Variants in SDK2 observed in about 807,000 individuals in gnomAD.
SDK2 encodes the protein sidekick cell adhesion molecule 2.
In SDK2, 105 loss-of-function variants were observed where a neutral mutation model predicts 253.9. The observed-to-expected ratio is 0.41, with a 90% CI of 0.35 to 0.49. SDK2 has a LOEUF of 0.49. Ranked by LOEUF, SDK2 falls within the 20% of genes least tolerant of loss-of-function variation. SDK2 has a pLI of 0.06. For missense variants in SDK2, 2,608 were observed against 3,003.0 expected, an observed-to-expected ratio of 0.87 and a Z score of 3.07; for synonymous variants, 1,249 against 1,234.9, an observed-to-expected ratio of 1.01 and a Z score of -0.24.
At chr17:73,393,839 G>T in intron 26 of SDK2, 90 bp from the exon 27 acceptor site, 1 of 1,049,228 alleles carries the variant, frequency 9.5e-7, no homozygotes, top group Non-Finnish European at 1.3e-6. Context: ...ATGAGCAGCT[G>T]TGTGTCACAC....
chr17:73,384,113 GT>G, intron 32 of SDK2, 102 bp from the exon 33 acceptor site: 2 of 1,293,836 alleles, frequency 1.5e-6, no homozygotes, highest in Non-Finnish European at 2.1e-6. Flanking sequence ...CAGGGACTAT[GT>G]TTTAACCAGG....
chr17:73,626,802 T>A (rs942961483), intron 1 of SDK2, among the ~76,000 whole-genome samples: 1 of 152,124 alleles, frequency 6.6e-6, no homozygotes, highest in Admixed American at 6.5e-5. Context: ...TGAGGTTGTC[T>A]GAGCCCCAGG....
At chr17:73,591,695 A>G (rs1227367816) in intron 1 of SDK2, among the ~76,000 whole-genome samples, 1 of 152,184 alleles carries the variant, frequency 6.6e-6, no homozygotes, top group Non-Finnish European at 1.5e-5. Flanking sequence ...GCAGGTTTAC[A>G]AGAACTAGGA....
chr17:73,416,041 C>T (rs747185322), intron 16 of SDK2, 49 bp from the exon 17 acceptor site: 43 of 1,535,052 alleles, frequency 2.8e-5, no homozygotes, highest in Non-Finnish European at 3.5e-5. Flanking sequence ...GCTTCCTTGG[C>T]CTCGTACCCA....
At chr17:73,360,895 C>G (rs1288829398) in intron 39 of SDK2, among the ~76,000 whole-genome samples, 1 of 150,180 alleles carries the variant, frequency 6.7e-6, no homozygotes. Context: ...GAGATTGCAC[C>G]ACTGCACTCC....
chr17:73,471,011 T>G (rs752494152), intron 3 of SDK2, among the ~76,000 whole-genome samples: 2 of 152,058 alleles, frequency 1.3e-5, no homozygotes, highest in African/African-American at 2.4e-5. Context: ...TCTAGGACCC[T>G]GGCCCCTGAG....
chr17:73,386,425 GCT>G lies in SDK2; in HGVS notation c.4498+18_4498+19del. ...CAGCCAGTGGGCTGAGAGAGAGACTGCTGGGGAAGGGGTACTGACCAGCCTGC... is the reference window on the plus strand; with the variant it reads ...CAGCCAGTGGGCTGAGAGAGAGACTGGGGGAAGGGGTACTGACCAGCCTGC... On this transcript the variant is annotated intron_variant, in intron 31 of 44. Transcript: ENST00000392650. 1 of 1,493,740 alleles carries G rather than the reference GCT, an allele frequency of 6.7e-7. No homozygotes were observed. The highest frequency in any genetic ancestry group is 9.1e-7 in the Non-Finnish European group (1 of 1,094,306). The allele number at this position is 1,493,740 out of a possible 1,614,324, so 92.5% of individuals were successfully genotyped here.
At chr17:73,583,594 C>A (rs973171859) in intron 1 of SDK2, among the ~76,000 whole-genome samples, 1 of 152,224 alleles carries the variant, frequency 6.6e-6, no homozygotes, top group Non-Finnish European at 1.5e-5. Flanking sequence ...CCACCCTGTG[C>A]GGTGTGCCCT....
Position 73,395,385 on chromosome 17 carries a change from G to A in SDK2, c.3362C>T (p.Pro1121Leu), listed in dbSNP as rs200100217. Reference sequence around the variant, plus strand: ...AGGGTTCCCATTGTATTCCATCTCCGGGAGAGGCTGCAGCGGGGCAGGGGT... The same window carrying A: ...AGGGTTCCCATTGTATTCCATCTCCAGGAGAGGCTGCAGCGGGGCAGGGGT... ...TSLWLRWMPLPEMEYNGNPES... is the reference protein window; with the variant it reads ...TSLWLRWMPLLEMEYNGNPES... Residue 1121 changes from proline (P) to leucine (L), a missense_variant, in exon 25 of 45, where the codon CCG becomes CTG. This residue lies in a region of SDK2 where 1,505 missense variants were observed against 1,859.1 expected (regional missense o/e 0.81). Transcript: ENST00000392650. The surrounding 1 kb of genome is among the most constrained non-coding windows in gnomAD (Gnocchi z 4.3). 45 of 1,613,586 alleles carry A rather than the reference G, an allele frequency of 2.8e-5. No homozygotes were observed. In the East Asian group the frequency reaches 3.8e-4, roughly 14 times the overall value.
intron 1 of SDK2, among the ~76,000 whole-genome samples, chr17:73,577,570 C>T (rs2045473936): frequency 6.6e-6 from 1 of 152,174 alleles, no homozygotes; most frequent in Admixed American, 6.5e-5. Flanking sequence ...TCCAGGATAT[C>T]AAGGTGTCCT....
At chr17:73,410,168 A>C (rs1438572431) in intron 18 of SDK2, among the ~76,000 whole-genome samples, 3 of 151,824 alleles carry the variant, frequency 2.0e-5, no homozygotes, top group Non-Finnish European at 4.4e-5. Flanking sequence ...ATTTCTTTTT[A>C]ATGTAAGGAA....
chr17:73,376,345 C>A (rs1419532775), intron 36 of SDK2, among the ~76,000 whole-genome samples: 1 of 132,756 alleles, frequency 7.5e-6, no homozygotes, highest in East Asian at 3.2e-4. Context: ...ACAATAACTG[C>A]TCAATAAACA....
rs549891711 is a variant in SDK2, at chr17:73,501,331, C to G, written c.224+6107G>C. On this transcript the variant is annotated intron_variant, in intron 2 of 44. Coordinates refer to ENST00000392650, the MANE Select transcript of SDK2 (RefSeq NM_001144952.2). ...CCAAATAAGTTTTGTGTTCTTCCTC[C>G]CCCCCACCACCTGTCCCCAGCACAT... is the stretch of plus-strand genomic sequence containing the variant. 7.7e-3 allele frequency among the ~76,000 whole-genome samples: 84 copies of G among 10,880 alleles called. 1 individual carries two copies. In the East Asian group the frequency reaches 0.18, roughly 23 times the overall value. The allele number at this position is 10,880 out of a possible 152,430, so 7.1% of individuals were successfully genotyped here.
chr17:73,398,228 C>A (rs1432414621), intron 23 of SDK2, 43 bp from the exon 24 acceptor site: 2 of 1,599,710 alleles, frequency 1.3e-6, no homozygotes, highest in Admixed American at 3.4e-5. Context: ...GGGCAGCTCA[C>A]CCAACTCTCA....
In SDK2 at chr17:73,386,498, A is replaced by G. The variant is rs1385610216; in HGVS notation, c.4445T>C (p.Ile1482Thr). The change falls in exon 31 of 45, where the codon ATT (isoleucine) becomes ACT (threonine). Residue 1482 changes from isoleucine (I) to threonine (T), a missense_variant. This residue lies in a region of SDK2 where 1,103 missense variants were observed against 1,143.9 expected (regional missense o/e 0.96). Coordinates refer to ENST00000392650, the MANE Select transcript of SDK2 (RefSeq NM_001144952.2). Reference sequence around the variant, plus strand: ...CTCCTCGCTGAACTCGCTGTCGCCAATGTCATTGGTCGCCTTCACTCGGAA... The same window carrying G: ...CTCCTCGCTGAACTCGCTGTCGCCAGTGTCATTGGTCGCCTTCACTCGGAA... ...YKFRVKATNDIGDSEFSEESE... is the reference protein window; with the variant it reads ...YKFRVKATNDTGDSEFSEESE... 3.2e-6 allele frequency: 5 copies of G among 1,562,552 alleles called. No homozygotes were observed. The highest frequency in any genetic ancestry group is 1.9e-5 in the Admixed American group (1 of 52,608).
chr17:73,626,049 C>G (rs915580346), intron 1 of SDK2, among the ~76,000 whole-genome samples: 2 of 150,298 alleles, frequency 1.3e-5, no homozygotes, highest in Admixed American at 6.6e-5. Context: ...CTCCTGGAGG[C>G]CAAGACCTGA....
intron 1 of SDK2, among the ~76,000 whole-genome samples, chr17:73,512,359 G>A (rs149428759): frequency 1.3e-5 from 2 of 152,268 alleles, no homozygotes; most frequent in South Asian, 2.1e-4. Context: ...GCAGCTGCCA[G>A]TGGCTCCCCT....
chr17:73,411,192 G>A (rs755064583), intron 18 of SDK2, among the ~76,000 whole-genome samples: 3 of 152,196 alleles, frequency 2.0e-5, no homozygotes, highest in Non-Finnish European at 2.9e-5. Context: ...GGGATTGAGA[G>A]GGCCAAGGCC....
chr17:73,440,557 C>T (rs1384532784), intron 6 of SDK2, among the ~76,000 whole-genome samples: 6 of 152,222 alleles, frequency 3.9e-5, no homozygotes, highest in Admixed American at 6.5e-5. Context: ...CAGTCCTGTA[C>T]GTCCCAGGCT....
Sources: allele counts gnomAD v4.1 joint callset (sites outside exome capture counted in the v4.1 genomes callset), GRCh38; gene constraint gnomAD v4.1.1; regional missense constraint gnomAD v4.1.1; non-coding constraint Gnocchi (gnomAD v3.1); transcripts MANE v1.5; gene names NCBI Gene and HGNC (gene_info 2026-07-23, HGNC 2026-07-21).